EPS8L1: variants seen among roughly 807,000 people sequenced by gnomAD.
The protein encoded by EPS8L1 is epidermal growth factor receptor kinase substrate 8-like protein 1.
In EPS8L1, 101 loss-of-function variants were observed where a neutral mutation model predicts 91.7. That is an observed-to-expected ratio of 1.10 (90% CI 0.94 to 1.30). The LOEUF (loss-of-function observed/expected upper bound fraction) is 1.30. EPS8L1 is among the 50% of genes most tolerant of loss of function. The pLI is 0.00. For synonymous variants in EPS8L1, 506 were observed against 445.3 expected (o/e 1.14, Z -1.72); for missense variants, 1,114 against 1,017.0 (o/e 1.10, Z -1.30).
At chr19:55,087,128 G>A (rs1158742090) in intron 18 of EPS8L1, 175 bp from the exon 19 acceptor site, 4 of 1,137,588 alleles carry the variant, frequency 3.5e-6, no homozygotes, top group Non-Finnish European at 3.6e-6. Context: ...ATGCGGCCAC[G>A]CCCCCCGGGT....
At position 55,082,267 on chromosome 19, in the gene EPS8L1, C is replaced by G; in HGVS notation, c.991-8C>G. 1 of 1,610,534 alleles carries G rather than the reference C, an allele frequency of 6.2e-7. No individual in the cohort carries two copies. Among genetic ancestry groups the G allele is most frequent in the Non-Finnish European group, 8.5e-7 (1 of 1,178,780 alleles). On this transcript the variant is annotated splice_region_variant and splice_polypyrimidine_tract_variant and intron_variant, in intron 10 of 19. Coordinates refer to ENST00000201647, the MANE Select transcript of EPS8L1 (RefSeq NM_133180.3). ...CCCACGCCAACCACCTCCCTCCCCA[C>G]GCCCCAGGCCCGGCTGCGCGGCAAC...
At position 55,082,548 on chromosome 19, in the gene EPS8L1, C is replaced by T. The variant is rs2147151208; in HGVS notation, c.1160C>T (p.Thr387Ile). The T allele has an allele frequency of 1.9e-6, 3 of 1,605,416 alleles. No homozygotes were observed. In the East Asian group the frequency reaches 6.8e-5, roughly 36 times the overall value. ...GTGGCGCTGCTGCGGGACAACGTCA[C>T]TCCACGTGAAAACGAGCTCTGGACC... The part of the protein sequence containing the change: ...DAVALLRDNV[T>I]PRENELWTSL... Residue 387 changes from threonine to isoleucine, a missense_variant, in exon 12 of 20, where the codon ACT becomes ATT. Coordinates refer to ENST00000201647, the MANE Select transcript of EPS8L1 (RefSeq NM_133180.3).
intron 14 of EPS8L1, among the ~76,000 whole-genome samples, chr19:55,085,103 A>G (rs2076341288): frequency 6.6e-6 from 1 of 152,220 alleles, no homozygotes; most frequent in Non-Finnish European, 1.5e-5. Flanking sequence ...AACCGTTGTC[A>G]TAAAGATCAA....
chr19:55,076,430 CT>C lies in EPS8L1; in HGVS notation c.-14del. Reference sequence around the variant, plus strand: ...CAGGGCACCTCCAGGTGGGCAGGAGCTACCACTCAGCACCATGAGCACCGCC... The same window carrying C: ...CAGGGCACCTCCAGGTGGGCAGGAGCACCACTCAGCACCATGAGCACCGCC... On this transcript the variant is annotated 5_prime_UTR_variant, in exon 2 of 20. Transcript: ENST00000201647. The C allele has an allele frequency of 6.2e-7, 1 of 1,612,026 alleles. No individual in the cohort carries two copies. The highest frequency in any genetic ancestry group is 8.5e-7 in the Non-Finnish European group (1 of 1,179,154).
chr19:55,087,038 C>A, intron 18 of EPS8L1, 150 bp downstream of exon 18: 1 of 1,119,916 alleles, frequency 8.9e-7, no homozygotes, highest in Non-Finnish European at 1.2e-6. Flanking sequence ...TAGCAACACC[C>A]AATGGCAGGC....
In EPS8L1 at chr19:55,082,077, G is replaced by A. The variant is rs779185278; in HGVS notation, c.902-15G>A. ...GCCCCGCGTCCCCATCGCCGCGCCC[G>A]TCTGCTCCCCTCAGAGGGCTTGCTG... On this transcript the variant is annotated splice_polypyrimidine_tract_variant and intron_variant, in intron 9 of 19. Transcript: ENST00000201647. The A allele has an allele frequency of 6.4e-7, 1 of 1,571,484 alleles. No homozygotes were observed. The highest frequency in any genetic ancestry group is 2.4e-5 in the East Asian group (1 of 42,512).
At chr19:55,079,337 T>C (rs972337279) in intron 4 of EPS8L1, among the ~76,000 whole-genome samples, 9 of 151,746 alleles carry the variant, frequency 5.9e-5, no homozygotes, top group Non-Finnish European at 7.4e-5. Context: ...GAGGAAGGGG[T>C]AGACAAGGTC....
At position 55,081,139 on chromosome 19, in the gene EPS8L1, T is replaced by G; in HGVS notation, c.513-92T>G. The G allele has an allele frequency of 7.1e-7, 1 of 1,401,756 alleles. No individual in the cohort carries two copies. Among genetic ancestry groups the G allele is most frequent in the Non-Finnish European group, 9.3e-7 (1 of 1,069,940 alleles). The allele number at this position is 1,401,756 out of a possible 1,614,324, so 86.8% of individuals were successfully genotyped here. On this transcript the variant is annotated intron_variant, in intron 7 of 19. Transcript: ENST00000201647. The surrounding 1 kb of genome is among the most constrained non-coding windows in gnomAD (Gnocchi z 4.9). ...AACTTGTTCACTCCCTTTGAGCCTT[T>G]TGAGCCTGTGTGTCTCGTTCTGCGC...
chr19:55,079,231 G>A (rs1671164), intron 4 of EPS8L1, among the ~76,000 whole-genome samples, 174 bp downstream of exon 4: 98,687 of 151,936 alleles, frequency 0.65, 32,526 homozygotes, highest in Admixed American at 0.71. Context: ...TGAAGCCAGG[G>A]GCCTCGGGTC....
intron 2 of EPS8L1, 122 bp downstream of exon 2, chr19:55,076,583 C>G: frequency 8.2e-7 from 1 of 1,213,726 alleles, no homozygotes; most frequent in Non-Finnish European, 1.2e-6. Flanking sequence ...TGGCCCAAGC[C>G]CCGACACTCA....
At chr19:55,079,598 A>C in intron 4 of EPS8L1, 92 bp from the exon 5 acceptor site, 2 of 1,447,136 alleles carry the variant, frequency 1.4e-6, no homozygotes, top group Non-Finnish European at 1.9e-6. Context: ...AGGTGTGGTT[A>C]GTCTCAGGCT....
rs780158902 is a variant in EPS8L1, at chr19:55,087,564, G to C, written c.2122G>C (p.Glu708Gln). The change falls in exon 20 of 20, where the codon GAG becomes CAG. Residue 708 changes from glutamate to glutamine, a missense_variant. Transcript: ENST00000201647. Reference sequence around the variant, plus strand: ...AGTGTCAGAGCTGGAGGCAGTGATGGAGAAGCAAAAGAAGAAGGTGGAAGG... The same window carrying C: ...AGTGTCAGAGCTGGAGGCAGTGATGCAGAAGCAAAAGAAGAAGGTGGAAGG... ...EKVSELEAVM[E>Q]KQKKKVEGEV... 1 of 1,614,194 alleles carries C rather than the reference G, an allele frequency of 6.2e-7. No homozygotes were observed. Among genetic ancestry groups the C allele is most frequent in the Admixed American group, 1.7e-5 (1 of 60,024 alleles).
At chr19:55,082,231 C>G (rs1275388689) in intron 10 of EPS8L1, 44 bp from the exon 11 acceptor site, 3 of 1,599,650 alleles carry the variant, frequency 1.9e-6, no homozygotes, top group Admixed American at 3.4e-5. Context: ...CGAACCTGTC[C>G]CGTCCCCGCA....
Position 55,082,131 on chromosome 19 carries a change from C to T in EPS8L1, c.941C>T (p.Ala314Val), listed in dbSNP as rs750674199. The T allele has an allele frequency of 2.6e-5, 41 of 1,603,372 alleles. No homozygotes were observed. Among genetic ancestry groups the T allele is most frequent in the Non-Finnish European group, 3.5e-5 (41 of 1,175,568 alleles). Residue 314 changes from alanine (A) to valine (V), a missense_variant, in exon 10 of 20, where the codon GCC becomes GTC. Transcript: ENST00000201647. ...CTGCGGGCCAAGCCGCCCTCGGAGGCCGAGTACACCGACGTGCTGCAGAAG... is the reference window on the plus strand; with the variant it reads ...CTGCGGGCCAAGCCGCCCTCGGAGGTCGAGTACACCGACGTGCTGCAGAAG... ...LTLRAKPPSE[A>V]EYTDVLQKIK...
chr19:55,083,557 T>C lies in EPS8L1; in HGVS notation c.1356+38T>C. 1.3e-6 allele frequency: 2 copies of C among 1,599,656 alleles called. No homozygotes were observed. On this transcript the variant is annotated intron_variant, in intron 13 of 19. Coordinates refer to ENST00000201647, the MANE Select transcript of EPS8L1 (RefSeq NM_133180.3). The surrounding 1 kb of genome is among the most constrained non-coding windows in gnomAD (Gnocchi z 4.7). ...ACACAGCAGGGCCGAGGCTGGGAAG[T>C]CCGGGGGCGCGGCCGGTCCGCCTGG...
At chr19:55,080,452 T>G in intron 6 of EPS8L1, 174 bp downstream of exon 6, 1 of 1,611,876 alleles carries the variant, frequency 6.2e-7, no homozygotes, top group East Asian at 2.2e-5. Context: ...GGTTTGAGAT[T>G]GGACCCAGGG....
chr19:55,083,765 A>T lies in EPS8L1; in HGVS notation c.1385+121A>T, dbSNP rs1602950623. On this transcript the variant is annotated intron_variant, in intron 14 of 19. Coordinates refer to ENST00000201647, the MANE Select transcript of EPS8L1 (RefSeq NM_133180.3). The surrounding 1 kb of genome is among the most constrained non-coding windows in gnomAD (Gnocchi z 4.7). ...TCCTTCTGTCTTCCTGGCTCTTCTCAGGTGGGTGAGATGGTGATGGGGCGG... is the reference window on the plus strand; with the variant it reads ...TCCTTCTGTCTTCCTGGCTCTTCTCTGGTGGGTGAGATGGTGATGGGGCGG... 24 of 823,912 alleles carry T rather than the reference A, an allele frequency of 2.9e-5. No individual in the cohort carries two copies. Among genetic ancestry groups the T allele is most frequent in the African/African-American group, 4.9e-5 (2 of 40,986 alleles). The allele number at this position is 823,912 out of a possible 1,614,324, so 51.0% of individuals were successfully genotyped here.
In EPS8L1 at chr19:55,082,076, C is replaced by A. The variant is rs769142263; in HGVS notation, c.902-16C>A. The stretch of plus-strand genomic sequence containing the variant: ...GGCCCCGCGTCCCCATCGCCGCGCC[C>A]GTCTGCTCCCCTCAGAGGGCTTGCT... On this transcript the variant is annotated splice_polypyrimidine_tract_variant and intron_variant, in intron 9 of 19. Transcript: ENST00000201647. 1.9e-6 allele frequency: 3 copies of A among 1,570,004 alleles called. No individual in the cohort carries two copies. The highest frequency in any genetic ancestry group is 2.4e-5 in the East Asian group (1 of 42,382).
In EPS8L1 at chr19:55,081,064, T is replaced by C; in HGVS notation, c.513-167T>C. The C allele has an allele frequency of 1.0e-6, 1 of 981,740 alleles. No homozygotes were observed. The highest frequency in any genetic ancestry group is 1.7e-5 in the South Asian group (1 of 57,838). 60.8% of individuals were successfully genotyped at this position (981,740 alleles called of 1,614,324 possible). Reference sequence around the variant, plus strand: ...TCCCTGTCCAGGCCCTCAGTTTCACTCTAGAGAGGTGCTATCCCTCCGTAT... The same window carrying C: ...TCCCTGTCCAGGCCCTCAGTTTCACCCTAGAGAGGTGCTATCCCTCCGTAT... On this transcript the variant is annotated intron_variant, in intron 7 of 19. Transcript: ENST00000201647. The surrounding 1 kb of genome is among the most constrained non-coding windows in gnomAD (Gnocchi z 4.9).
Sources: allele counts gnomAD v4.1 joint callset (sites outside exome capture counted in the v4.1 genomes callset), GRCh38; gene constraint gnomAD v4.1.1; non-coding constraint Gnocchi (gnomAD v3.1); transcripts MANE v1.5; gene names NCBI Gene and HGNC (gene_info 2026-07-23, HGNC 2026-07-21).